Variants in JAKMIP3 observed in about 807,000 individuals in gnomAD.
JAKMIP3 encodes Janus kinase and microtubule interacting protein 3.
A neutral mutation model predicts 118.5 loss-of-function variants in JAKMIP3; 58 were observed. That is an observed-to-expected ratio of 0.49 (90% CI 0.40 to 0.61). The LOEUF is 0.61. Among genes scored for constraint, JAKMIP3 ranks in the 20% least tolerant of loss-of-function variants. The pLI, the probability that JAKMIP3 is intolerant of heterozygous loss-of-function variation, is 0.00. For synonymous variants in JAKMIP3, 486 were observed against 451.2 expected, an observed-to-expected ratio of 1.08 and a Z score of -0.98; for missense variants, 950 against 1,109.0, an observed-to-expected ratio of 0.86 and a Z score of 2.04.
At position 132,166,749 on chromosome 10, in the gene JAKMIP3, G is replaced by A. The variant is rs181383225; in HGVS notation, c.2491-234G>A. On this transcript the variant is annotated intron_variant, in intron 21 of 23. Coordinates refer to ENST00000684848, the MANE Select transcript of JAKMIP3 (RefSeq NM_001323087.2). The stretch of plus-strand genomic sequence containing the variant: ...GGCCCCTGACCAGCGCCCACCACCC[G>A]CATCTGCCCGGTGCAGAGTCCCCAG... Among the ~76,000 whole-genome samples, 13 of 152,244 alleles carry A rather than the reference G, an allele frequency of 8.5e-5. No homozygotes were observed. The East Asian group carries it at 1.5e-3, about 18-fold the overall frequency.
chr10:132,117,316 TGGC>T lies in JAKMIP3; in HGVS notation c.379_381del (p.Gly127del), dbSNP rs1465114568. The T allele has an allele frequency of 6.2e-7, 1 of 1,613,912 alleles. No homozygotes were observed. The highest frequency in any genetic ancestry group is 1.1e-5 in the South Asian group (1 of 91,070). ...AGGCACTGCTCAGTGCCCTGCGTGA[TGGC>T]GGCCCCGAAAAGGTCAAGACCGTGC... On this transcript the variant is annotated inframe_deletion, in exon 3 of 24. Transcript: ENST00000684848. The surrounding 1 kb of genome is among the most constrained non-coding windows in gnomAD (Gnocchi z 8.6).
intron 16 of JAKMIP3, 37 bp from the exon 17 acceptor site, chr10:132,152,921 G>A (rs746335598): frequency 1.3e-6 from 2 of 1,549,612 alleles, no homozygotes; most frequent in Non-Finnish European, 1.8e-6. Flanking sequence ...CAAAGGCACT[G>A]CTTCTGACCG....
chr10:132,064,698 C>T (rs941778024), upstream of JAKMIP3, among the ~76,000 whole-genome samples: 4 of 152,192 alleles, frequency 2.6e-5, no homozygotes, highest in African/African-American at 7.2e-5. The surrounding 1 kb of genome is among the most constrained non-coding windows in gnomAD (Gnocchi z 4.4). Flanking sequence ...TCACCCTGGA[C>T]GTTTGGCCAG....
intron 1 of JAKMIP3, among the ~76,000 whole-genome samples, chr10:132,074,179 A>G (rs1385793099): frequency 6.6e-6 from 1 of 152,134 alleles, no homozygotes; most frequent in African/African-American, 2.4e-5. Flanking sequence ...AGACTCCTGA[A>G]TAGCTAGGAT....
At chr10:132,062,237 C>T (rs2133854294), upstream of JAKMIP3, among the ~76,000 whole-genome samples, 1 of 152,324 alleles carries the variant, frequency 6.6e-6, no homozygotes, top group Non-Finnish European at 1.5e-5. Context: ...TCAGACTGCC[C>T]ATCAGGCTTG....
At chr10:132,128,217 CAA>C (rs1249619496) in intron 3 of JAKMIP3, among the ~76,000 whole-genome samples, 2 of 152,228 alleles carry the variant, frequency 1.3e-5, no homozygotes, top group Non-Finnish European at 1.5e-5. Context: ...TCTTAACACT[CAA>C]GAGATGTCCT....
upstream of JAKMIP3, among the ~76,000 whole-genome samples, chr10:132,064,645 C>T (rs12769224): frequency 0.32 from 48,757 of 152,078 alleles, 8,277 homozygotes; most frequent in East Asian, 0.44. This position sits in a 1 kb window ranked among gnomAD's most constrained non-coding sequence, Gnocchi z 4.4. Flanking sequence ...CGGGCGGCTC[C>T]GTCACACGAG....
intron 1 of JAKMIP3, among the ~76,000 whole-genome samples, chr10:132,085,595 G>A (rs556794788): frequency 6.6e-6 from 1 of 151,874 alleles, no homozygotes; most frequent in African/African-American, 2.4e-5. Flanking sequence ...CCGCTTCCTG[G>A]GTTCAAGCGA....
chr10:132,171,629 G>A (rs1196624406), intron 23 of JAKMIP3, among the ~76,000 whole-genome samples: 5 of 150,470 alleles, frequency 3.3e-5, no homozygotes, highest in Non-Finnish European at 1.5e-5. Flanking sequence ...TTCCCCTGAT[G>A]TCCCTGTCTT....
intron 23 of JAKMIP3, among the ~76,000 whole-genome samples, chr10:132,175,847 G>T (rs1341344115): frequency 1.3e-5 from 2 of 152,194 alleles, no homozygotes; most frequent in East Asian, 3.9e-4. Flanking sequence ...AATGTGTAAT[G>T]CTCTGCATCA....
chr10:132,079,150 C>CGGACGGCCTGGGAGG (rs561907620), intron 1 of JAKMIP3, among the ~76,000 whole-genome samples: 1 of 81,796 alleles, frequency 1.2e-5, no homozygotes, highest in South Asian at 3.4e-4. Flanking sequence ...GGCCTGGGAG[C>CGGACGGCCTGGGAGG]GGACGGCCCA....
intron 4 of JAKMIP3, 138 bp from the exon 5 acceptor site, chr10:132,134,903 G>A (rs1203724106): frequency 3.8e-5 from 43 of 1,136,220 alleles, no homozygotes; most frequent in African/African-American, 1.2e-4. Flanking sequence ...GGGGGGCTCC[G>A]AACCTTCCCG....
chr10:132,078,998 C>T (rs1589762540), intron 1 of JAKMIP3, among the ~76,000 whole-genome samples: 2 of 152,340 alleles, frequency 1.3e-5, no homozygotes, highest in South Asian at 2.1e-4. Flanking sequence ...AAGGCTCAGA[C>T]AAGCGGCGCA....
intron 13 of JAKMIP3, among the ~76,000 whole-genome samples, chr10:132,147,460 G>A (rs78826594): frequency 0.11 from 17,269 of 152,204 alleles, 1,320 homozygotes; most frequent in Non-Finnish European, 0.16. Context: ...AGTGAATTCC[G>A]GTGGCCAGGC....
intron 1 of JAKMIP3, among the ~76,000 whole-genome samples, chr10:132,097,642 G>A (rs4880328): frequency 0.61 from 92,500 of 151,250 alleles, 28,494 homozygotes; most frequent in East Asian, 0.71. Flanking sequence ...ATACTGTCCC[G>A]CTGTTTTCCA....
At chr10:132,151,809 A>G (rs1564969589) in intron 16 of JAKMIP3, among the ~76,000 whole-genome samples, 1 of 152,062 alleles carries the variant, frequency 6.6e-6, no homozygotes, top group East Asian at 1.9e-4. Flanking sequence ...ATTGTCACAG[A>G]GCCCAGGGAC....
At chr10:132,133,222 C>G in intron 3 of JAKMIP3, 90 bp from the exon 4 acceptor site, 1 of 1,154,558 alleles carries the variant, frequency 8.7e-7, no homozygotes, top group Non-Finnish European at 1.3e-6. Context: ...GGTCTCAGAG[C>G]CCAGAGCCTG....
chr10:132,056,814 G>A (rs2038249812), intron 1 of JAKMIP3, among the ~76,000 whole-genome samples: 1 of 152,188 alleles, frequency 6.6e-6, no homozygotes, highest in South Asian at 2.1e-4. Context: ...CACACCCACT[G>A]CAGGAGGGCT....
At chr10:132,109,756 A>G (rs757199860) in intron 2 of JAKMIP3, among the ~76,000 whole-genome samples, 2 of 152,236 alleles carry the variant, frequency 1.3e-5, no homozygotes, top group Non-Finnish European at 2.9e-5. Context: ...CTGTGTGGTC[A>G]GAAACAGGAC....
Sources: allele counts gnomAD v4.1 joint callset (sites outside exome capture counted in the v4.1 genomes callset), GRCh38; gene constraint gnomAD v4.1.1; non-coding constraint Gnocchi (gnomAD v3.1); transcripts MANE v1.5; gene names NCBI Gene and HGNC (gene_info 2026-07-23, HGNC 2026-07-21).